COL13A1: variants seen among roughly 807,000 people sequenced by gnomAD.
COL13A1 encodes collagen type XIII alpha 1 chain, also known as collagen alpha-1(XIII) chain.
Under a neutral mutation model 130.9 loss-of-function variants are expected in COL13A1, and 89 were observed. The ratio of observed to expected loss-of-function variants is 0.68; its 90% confidence interval spans 0.57 to 0.81. The LOEUF (loss-of-function observed/expected upper bound fraction) is 0.81. COL13A1 is among the 30% of genes least tolerant of loss of function. COL13A1 has a pLI of 0.00. For missense variants in COL13A1, 879 were observed against 934.6 expected (o/e 0.94, Z 0.78); for synonymous variants, 402 against 341.6 (o/e 1.18, Z -1.95).
chr10:69,913,991 C>T (rs541659062), intron 17 of COL13A1, among the ~76,000 whole-genome samples: 15 of 152,276 alleles, frequency 9.9e-5, no homozygotes, highest in African/African-American at 3.6e-4. Context: ...GGGCTGCCTC[C>T]CGAGGAGGCT....
At chr10:69,813,525 G>T (rs965817376) in intron 1 of COL13A1, among the ~76,000 whole-genome samples, 10 of 152,134 alleles carry the variant, frequency 6.6e-5, no homozygotes, top group Admixed American at 1.3e-4. Flanking sequence ...TGGAGGACCC[G>T]CAGGCCCCTG....
rs137947785 is a variant in COL13A1 at position 69,937,338 on chromosome 10, G to C, written c.1798-297G>C. The stretch of plus-strand genomic sequence containing the variant: ...AGGCATCTGAGCAAATCTCTGTAAG[G>C]TTCCCATTCTCCTGCCATGCAGTTG... On this transcript the variant is annotated intron_variant, in intron 33 of 40. Coordinates refer to ENST00000645393, the MANE Select transcript of COL13A1 (RefSeq NM_001368882.1). Among the ~76,000 whole-genome samples, 490 of 152,282 alleles carry C rather than the reference G, an allele frequency of 3.2e-3. 6 individuals are homozygous for C. The highest frequency in any genetic ancestry group is 6.0e-3 in the Non-Finnish European group (405 of 68,020).
At chr10:69,952,609 A>G (rs1031928476) in intron 38 of COL13A1, among the ~76,000 whole-genome samples, 2 of 152,062 alleles carry the variant, frequency 1.3e-5, no homozygotes, top group African/African-American at 4.8e-5. Flanking sequence ...CCGGCCACCA[A>G]AATCTTCAGT....
chr10:69,912,132 G>GC (rs1167048943), intron 17 of COL13A1, among the ~76,000 whole-genome samples: 3 of 152,126 alleles, frequency 2.0e-5, no homozygotes, highest in Non-Finnish European at 4.4e-5. Context: ...AGCGACCCCA[G>GC]CCCCCACCCT....
At position 69,902,794 on chromosome 10, in the gene COL13A1, GC is replaced by G; in HGVS notation, c.803del (p.Pro268LeufsTer65). ...ATCCAAGGTCCACCAGGGCCCCCAG[GC>G]CCCCCTGGACCAAGTGGACCTCTGG... ...ASIQGPPGPP[G>X]PPGPSGPLGH... is the part of the protein sequence containing the mutation. On this transcript the variant is annotated frameshift_variant, in exon 15 of 41. Coordinates refer to ENST00000645393, the MANE Select transcript of COL13A1 (RefSeq NM_001368882.1). LOFTEE classifies it high-confidence loss of function. 10 of 1,554,088 alleles carry G rather than the reference GC, an allele frequency of 6.4e-6. No homozygotes were observed. The highest frequency in any genetic ancestry group is 3.9e-5 in the Admixed American group (2 of 51,442).
intron 2 of COL13A1, among the ~76,000 whole-genome samples, chr10:69,848,162 A>G (rs1216030342): frequency 2.6e-5 from 4 of 152,110 alleles, no homozygotes; most frequent in Admixed American, 6.5e-5. Flanking sequence ...GGTCAGGACA[A>G]TTGCAGAGGC....
chr10:69,936,808 C>T, intron 33 of COL13A1, 26 bp downstream of exon 33: 3 of 1,613,804 alleles, frequency 1.9e-6, no homozygotes, highest in Non-Finnish European at 2.5e-6. Flanking sequence ...ATGACAGGCG[C>T]TGTGTCAGTG....
chr10:69,897,385 G>T, intron 13 of COL13A1: 2 of 1,328,528 alleles, frequency 1.5e-6, no homozygotes, highest in South Asian at 2.6e-5. Context: ...AGAGGAGAGG[G>T]GTGGGGAGCA....
chr10:69,852,679 T>G (rs1855233277), intron 2 of COL13A1, among the ~76,000 whole-genome samples: 1 of 152,074 alleles, frequency 6.6e-6, no homozygotes, highest in African/African-American at 2.4e-5. Context: ...GAACCCCTGG[T>G]TGGGATGGTG....
At position 69,906,013 on chromosome 10, in the gene COL13A1, G is replaced by A. The variant is rs374203982; in HGVS notation, c.921+191G>A. ...CAAATTACTGGGATCCACCTAGGCA[G>A]AGTTCTTTCTGTGCTGAGCCAGGAT... is the stretch of plus-strand genomic sequence containing the variant. On this transcript the variant is annotated intron_variant, in intron 17 of 40. Coordinates refer to ENST00000645393, the MANE Select transcript of COL13A1 (RefSeq NM_001368882.1). Among the ~76,000 whole-genome samples, 99 of 152,344 alleles carry A rather than the reference G, an allele frequency of 6.5e-4. 1 individual carries two copies. Among genetic ancestry groups the A allele is most frequent in the African/African-American group, 2.3e-3 (96 of 41,592 alleles).
At position 69,854,915 on chromosome 10, in the gene COL13A1, G is replaced by A. The variant is rs146656798; in HGVS notation, c.365-12883G>A. On this transcript the variant is annotated intron_variant, in intron 2 of 40. Transcript: ENST00000645393. ...GCTTCCCTGGAGAACCTTGGGTACTGTACAGCTTTGTCATGTGTGTAAGGA... is the reference window on the plus strand; with the variant it reads ...GCTTCCCTGGAGAACCTTGGGTACTATACAGCTTTGTCATGTGTGTAAGGA... 7.5e-3 allele frequency among the ~76,000 whole-genome samples: 1,144 copies of A among 152,262 alleles called. 3 individuals are homozygous for A. Among genetic ancestry groups the A allele is most frequent in the Middle Eastern group, 0.048 (14 of 294 alleles).
chr10:69,828,760 G>A (rs1341018420), intron 2 of COL13A1, among the ~76,000 whole-genome samples: 1 of 152,196 alleles, frequency 6.6e-6, no homozygotes, highest in Non-Finnish European at 1.5e-5. Flanking sequence ...AATGCCTGGT[G>A]TATGCTCGAT....
intron 1 of COL13A1, among the ~76,000 whole-genome samples, chr10:69,807,031 G>A (rs986019965): frequency 6.6e-6 from 1 of 152,092 alleles, no homozygotes; most frequent in African/African-American, 2.4e-5. Context: ...AAAATAAAGA[G>A]CCAAGTCCAT....
chr10:69,887,521 TC>T, intron 8 of COL13A1, 30 bp downstream of exon 8: 1 of 1,612,958 alleles, frequency 6.2e-7, no homozygotes, highest in Non-Finnish European at 8.5e-7. Flanking sequence ...GTTAGCTGTG[TC>T]CCAGGTGGTC....
chr10:69,917,177 T>C, intron 17 of COL13A1, 112 bp from the exon 18 acceptor site: 1 of 1,353,710 alleles, frequency 7.4e-7, no homozygotes, highest in Non-Finnish European at 1.0e-6. Flanking sequence ...GAGCTCAACA[T>C]GAACCGGACA....
chr10:69,897,587 A>G (rs2061777631), intron 13 of COL13A1: 2 of 1,586,290 alleles, frequency 1.3e-6, no homozygotes, highest in Non-Finnish European at 1.7e-6. Context: ...CTTCCTGAAC[A>G]TACAGCCCAA....
At chr10:69,901,507 T>C (rs1050301480) in intron 14 of COL13A1, among the ~76,000 whole-genome samples, 7 of 152,138 alleles carry the variant, frequency 4.6e-5, no homozygotes, top group African/African-American at 1.4e-4. Context: ...AGGTGTGTCA[T>C]AGGGGCTTGC....
chr10:69,806,479 G>A (rs561363721), intron 1 of COL13A1, among the ~76,000 whole-genome samples: 15 of 152,342 alleles, frequency 9.8e-5, no homozygotes, highest in African/African-American at 3.6e-4. Context: ...GGAGGATGGC[G>A]GGAGCCAGCT....
chr10:69,848,103 G>A (rs1192731251), intron 2 of COL13A1, among the ~76,000 whole-genome samples: 2 of 152,244 alleles, frequency 1.3e-5, no homozygotes, highest in Admixed American at 1.3e-4. Context: ...GAGTCACGGA[G>A]GTGAAGAAGC....
Sources: gnomAD v4.1 joint callset for allele counts (sites outside exome capture counted in the v4.1 genomes callset) on GRCh38, gnomAD v4.1.1 for gene constraint, MANE v1.5 for transcripts, NCBI Gene and HGNC (gene_info 2026-07-23, HGNC 2026-07-21) for gene names.